The following DAB1 variants were observed in gnomAD, a reference collection of about 807,000 sequenced individuals.
DAB1 encodes the protein disabled homolog 1.
A neutral mutation model predicts 64.6 loss-of-function variants in DAB1; 15 were observed. The ratio of observed to expected loss-of-function variants is 0.23; its 90% CI spans 0.16 to 0.36. DAB1 has a LOEUF of 0.36. DAB1 is among the 10% of genes least tolerant of loss of function. The pLI, the probability that DAB1 is intolerant of heterozygous loss-of-function variation, is 1.00. For synonymous variants in DAB1, 235 were observed against 251.9 expected, an observed-to-expected ratio of 0.93 and a Z score of 0.64; for missense variants, 596 against 706.7, an observed-to-expected ratio of 0.84 and a Z score of 1.78.
intron 3 of DAB1, among the ~76,000 whole-genome samples, chr1:58,450,827 G>T (rs1645127649): frequency 6.6e-6 from 1 of 152,216 alleles, no homozygotes; most frequent in Admixed American, 6.5e-5. Flanking sequence ...GTAACCAAGA[G>T]ATCAAGGTTA....
Position 57,174,841 on chromosome 1 carries a change from A to G in DAB1, c.68-29412T>C, listed in dbSNP as rs1662132879. ...TACACTTCTGTTCCCAAATTTGTTT[A>G]TGATAATTGTACTAGTTGGGATAGT... On this transcript the variant is annotated intron_variant, in intron 2 of 14. Coordinates refer to ENST00000371236, the MANE Select transcript of DAB1 (RefSeq NM_001365792.1). Among the ~76,000 whole-genome samples, 3 of 152,184 alleles carry G rather than the reference A, an allele frequency of 2.0e-5. No individual in the cohort carries two copies. In the South Asian group the frequency reaches 6.2e-4, roughly 32 times the overall value.
At chr1:57,726,132 A>C (rs543070450) in intron 6 of DAB1, among the ~76,000 whole-genome samples, 13 of 152,354 alleles carry the variant, frequency 8.5e-5, no homozygotes, top group Middle Eastern at 3.4e-3. Flanking sequence ...AGGGATGGGT[A>C]GTTACTAACT....
intron 3 of DAB1, among the ~76,000 whole-genome samples, chr1:58,358,505 C>G (rs930508310): frequency 4.6e-5 from 7 of 152,132 alleles, no homozygotes; most frequent in African/African-American, 1.7e-4. Context: ...GTCAATTAAA[C>G]AAGTGATGTC....
intron 2 of DAB1, among the ~76,000 whole-genome samples, chr1:57,223,503 C>T (rs1378560768): frequency 3.3e-5 from 5 of 152,062 alleles, no homozygotes; most frequent in African/African-American, 4.8e-5. Flanking sequence ...AGACTGCAGC[C>T]GTGTCTCTGG....
chr1:58,403,720 A>G (rs1644592284), intron 3 of DAB1, among the ~76,000 whole-genome samples: 1 of 152,186 alleles, frequency 6.6e-6, no homozygotes, highest in Admixed American at 6.5e-5. Context: ...AGCTCTGAGG[A>G]CAAACTTGGC....
At chr1:57,451,534 A>T (rs1686365264) in intron 7 of DAB1, among the ~76,000 whole-genome samples, 2 of 152,206 alleles carry the variant, frequency 1.3e-5, no homozygotes, top group Non-Finnish European at 2.9e-5. Context: ...CTTGTATCCG[A>T]GATCTCTAAA....
chr1:57,853,233 T>C (rs1406974697), intron 1 of DAB1, among the ~76,000 whole-genome samples: 1 of 148,736 alleles, frequency 6.7e-6, no homozygotes, highest in Admixed American at 6.7e-5. Context: ...TAAGAAAGGG[T>C]TTGGGGCTAT....
intron 1 of DAB1, among the ~76,000 whole-genome samples, chr1:57,841,515 T>A (rs1477300564): frequency 1.3e-5 from 2 of 152,210 alleles, no homozygotes; most frequent in Non-Finnish European, 2.9e-5. Context: ...GACTTCTGCC[T>A]GGACATCTTG....
chr1:57,572,251 T>C (rs539866301), intron 7 of DAB1, among the ~76,000 whole-genome samples: 3 of 152,126 alleles, frequency 2.0e-5, no homozygotes, highest in Non-Finnish European at 4.4e-5. Context: ...GCCACCTAAG[T>C]TTAAATCCCC....
In DAB1 at chr1:57,380,224, A is replaced by G. The variant is rs112056581; in HGVS notation, c.-137+43706T>C. On this transcript the variant is annotated intron_variant, in intron 1 of 14. Coordinates refer to ENST00000371236, the MANE Select transcript of DAB1 (RefSeq NM_001365792.1). The stretch of plus-strand genomic sequence containing the variant: ...AGAGACATAGAGAAATTACTAACAA[A>G]AAAACTGAAGAGTGAAGCCATCTGA... 1.3e-3 allele frequency among the ~76,000 whole-genome samples: 199 copies of G among 152,322 alleles called. 2 individuals carry two copies. The highest frequency in any genetic ancestry group is 4.5e-3 in the African/African-American group (185 of 41,570).
chr1:57,759,786 T>G (rs551809392), intron 6 of DAB1, among the ~76,000 whole-genome samples: 1 of 152,180 alleles, frequency 6.6e-6, no homozygotes, highest in South Asian at 2.1e-4. Flanking sequence ...GATAGGGACA[T>G]TGACCATGGT....
At chr1:58,383,810 T>C (rs2100549350) in intron 3 of DAB1, among the ~76,000 whole-genome samples, 1 of 152,330 alleles carries the variant, frequency 6.6e-6, no homozygotes, top group East Asian at 1.9e-4. Context: ...TTTCCATATC[T>C]TGGCTATTGT....
intron 6 of DAB1, among the ~76,000 whole-genome samples, chr1:57,797,445 C>A (rs1024246166): frequency 1.3e-5 from 2 of 152,234 alleles, no homozygotes; most frequent in Admixed American, 6.5e-5. Context: ...TTTCTCTTCA[C>A]GTTCTTCTAT....
intron 7 of DAB1, among the ~76,000 whole-genome samples, chr1:57,555,924 A>C (rs1347996289): frequency 6.6e-6 from 1 of 151,996 alleles, no homozygotes. Context: ...TTTTCATTCC[A>C]ACTCCCAATT....
At chr1:57,054,470 C>CTTTTTT (rs58175883) in intron 9 of DAB1, among the ~76,000 whole-genome samples, 70 of 69,466 alleles carry the variant, frequency 1.0e-3, no homozygotes, top group Non-Finnish European at 1.0e-3. Context: ...CAGGAATGTG[C>CTTTTTT]TTTTTTTTTT....
chr1:57,299,728 A>G (rs1673479871), intron 1 of DAB1, among the ~76,000 whole-genome samples: 1 of 152,226 alleles, frequency 6.6e-6, no homozygotes, highest in Non-Finnish European at 1.5e-5. Context: ...ATCTACCAGT[A>G]GTTGGCAGAA....
intron 1 of DAB1, among the ~76,000 whole-genome samples, chr1:57,303,506 C>A (rs901452605): frequency 1.3e-5 from 2 of 152,058 alleles, no homozygotes; most frequent in Non-Finnish European, 2.9e-5. Flanking sequence ...GTCTCTCTTT[C>A]AAGAATTTGA....
intron 7 of DAB1, among the ~76,000 whole-genome samples, chr1:57,577,016 G>C (rs1449321403): frequency 6.6e-6 from 1 of 152,184 alleles, no homozygotes; most frequent in Admixed American, 6.5e-5. Context: ...CAAGATTGCA[G>C]CTAGCACCTT....
At chr1:57,329,841 G>T (rs181486391) in intron 1 of DAB1, among the ~76,000 whole-genome samples, 277 of 152,184 alleles carry the variant, frequency 1.8e-3, no homozygotes, top group South Asian at 2.1e-3. Flanking sequence ...ATCTGGAAGA[G>T]GTCAATCAAT....
Sources: allele counts gnomAD v4.1 joint callset (sites outside exome capture counted in the v4.1 genomes callset), GRCh38; gene constraint gnomAD v4.1.1; transcripts MANE v1.5; gene names NCBI Gene and HGNC (gene_info 2026-07-23, HGNC 2026-07-21).